Variants in MEGF6 observed in about 807,000 individuals in gnomAD.
MEGF6 encodes the protein multiple EGF like domains 6.
MEGF6 carries 184 observed loss-of-function variants against 207.1 expected under a neutral mutation model. That is an observed-to-expected ratio of 0.89 (90% confidence interval 0.79 to 1.00). The LOEUF is 1.00. Among genes scored for constraint, MEGF6 ranks in the 50% least tolerant of loss-of-function variants. MEGF6 has a pLI of 0.00. For missense variants in MEGF6, 2,282 were observed against 2,202.9 expected, an observed-to-expected ratio of 1.04 and a Z score of -0.72; for synonymous variants, 1,038 against 910.0, an observed-to-expected ratio of 1.14 and a Z score of -2.53.
At chr1:3,621,052 C>T in the MEGF6 span, among the ~76,000 whole-genome samples, 1 of 152,226 alleles carries the variant, frequency 6.6e-6, no homozygotes, top group Non-Finnish European at 1.5e-5. Flanking sequence ...GCCAGGTGTA[C>T]AGGATGGAAC....
At chr1:3,581,823 C>G (rs1338034966) in intron 3 of MEGF6, among the ~76,000 whole-genome samples, 1 of 152,088 alleles carries the variant, frequency 6.6e-6, no homozygotes, top group Non-Finnish European at 1.5e-5. Context: ...CCTCCTCCCA[C>G]CCTGTTTCCC....
Position 3,514,234 on chromosome 1 carries a change from C to T in MEGF6, c.853+316G>A, listed in dbSNP as rs569196522. 3.4e-5 allele frequency among the ~76,000 whole-genome samples: 5 copies of T among 147,908 alleles called. No homozygotes were observed. In the East Asian group the frequency reaches 8.1e-4, roughly 24 times the overall value. ...CTGCACTCCAGCCTGGGCAATAGAG[C>T]GAGACTCCGTCTCAAAAAAAAAAAA... On this transcript the variant is annotated intron_variant, in intron 7 of 36. Coordinates refer to ENST00000356575, the MANE Select transcript of MEGF6 (RefSeq NM_001409.4).
intron 4 of MEGF6, among the ~76,000 whole-genome samples, chr1:3,555,446 C>T (rs1315654493): frequency 6.6e-6 from 1 of 152,232 alleles, no homozygotes; most frequent in Non-Finnish European, 1.5e-5. Context: ...CAGGAAAGTA[C>T]AGGCAGGATG....
rs370620577 is a variant in MEGF6 at position 3,602,490 on chromosome 1, G to T, written c.242C>A (p.Ala81Glu). The change falls in exon 2 of 37, where the codon GCG (alanine) becomes GAG (glutamate). Residue 81 changes from alanine (A) to glutamate (E), a missense_variant. Transcript: ENST00000356575. ...CCTCCGCTCATGACCCACGCACCAC[G>T]CCTGCCACCCACAGCCGGCCTTCCA... ...PVWKAGCGWQAWCVGHERRTV... is the reference protein window; with the variant it reads ...PVWKAGCGWQEWCVGHERRTV... The T allele has an allele frequency of 1.2e-6, 2 of 1,613,160 alleles. No homozygotes were observed. The highest frequency in any genetic ancestry group is 2.7e-5 in the African/African-American group (2 of 74,912).
intron 5 of MEGF6, among the ~76,000 whole-genome samples, chr1:3,522,899 A>AG (rs1365313065): frequency 6.6e-6 from 1 of 152,166 alleles, no homozygotes; most frequent in Non-Finnish European, 1.5e-5. Context: ...GCAAGGCTAA[A>AG]GTGCCCCAGG....
upstream of MEGF6, among the ~76,000 whole-genome samples, chr1:3,616,420 G>A (rs556203400): frequency 6.2e-4 from 94 of 152,240 alleles, no homozygotes; most frequent in East Asian, 1.2e-3. Flanking sequence ...CGACTGCCCC[G>A]TACCGCCCCG....
At chr1:3,516,711 C>T (rs1641554442) in intron 5 of MEGF6, among the ~76,000 whole-genome samples, 1 of 152,214 alleles carries the variant, frequency 6.6e-6, no homozygotes, top group Non-Finnish European at 1.5e-5. Flanking sequence ...GCGGTGTTGC[C>T]TCTGGGCCCT....
Position 3,494,116 on chromosome 1 carries a change from G to A in MEGF6, c.4138C>T (p.Pro1380Ser). 1.3e-6 allele frequency: 2 copies of A among 1,570,144 alleles called. No homozygotes were observed. The highest frequency in any genetic ancestry group is 1.4e-5 in the African/African-American group (1 of 73,892). The change falls in exon 33 of 37, where the codon CCT becomes TCT. Residue 1380 changes from proline to serine, a missense_variant. Pro to Ser is a moderately conservative substitution (Grantham distance 74). Transcript: ENST00000356575. ...TGGCAGCCAGCCCCGTGGAAGCCAG[G>A]GGGACAGGCTGAAGGACGCCGGTTA... ...YGQACEHPCP[P>S]GFHGAGCQGL... is the part of the protein sequence containing the mutation.
At chr1:3,590,900 C>T (rs1471389298) in intron 3 of MEGF6, among the ~76,000 whole-genome samples, 1 of 152,180 alleles carries the variant, frequency 6.6e-6, no homozygotes, top group Non-Finnish European at 1.5e-5. Flanking sequence ...GCACAGGGGC[C>T]GTGCACCCCA....
intron 28 of MEGF6, 99 bp from the exon 29 acceptor site, chr1:3,496,882 A>T (rs185231077): frequency 6.6e-7 from 1 of 1,519,136 alleles, no homozygotes; most frequent in East Asian, 2.5e-5. Context: ...CACACCCTCC[A>T]TCTTCCACCC....
At chr1:3,549,055 C>T (rs546681719) in intron 4 of MEGF6, among the ~76,000 whole-genome samples, 26 of 152,292 alleles carry the variant, frequency 1.7e-4, no homozygotes, top group Non-Finnish European at 2.8e-4. Flanking sequence ...TGGGTACCTG[C>T]GGGCGCCGCC....
At chr1:3,584,227 C>G (rs1041464625) in intron 3 of MEGF6, among the ~76,000 whole-genome samples, 3 of 152,232 alleles carry the variant, frequency 2.0e-5, no homozygotes, top group Non-Finnish European at 4.4e-5. Context: ...TTGGACTGAA[C>G]CACAAGCAAA....
At chr1:3,553,353 T>C (rs1039417644) in intron 4 of MEGF6, among the ~76,000 whole-genome samples, 7 of 151,444 alleles carry the variant, frequency 4.6e-5, no homozygotes, top group Non-Finnish European at 1.5e-5. Context: ...GCGTGCTGGG[T>C]CTTTTCCTGA....
intron 1 of MEGF6, among the ~76,000 whole-genome samples, chr1:3,603,747 G>T (rs540845038): frequency 6.6e-6 from 1 of 152,118 alleles, no homozygotes; most frequent in African/African-American, 2.4e-5. Context: ...CCCAGGCCTT[G>T]CCAGGAGCTC....
In MEGF6 at chr1:3,494,883, C is replaced by A. The variant is rs1375629264; in HGVS notation, c.3872-142G>T. 5.4e-6 allele frequency: 7 copies of A among 1,286,732 alleles called. No individual in the cohort carries two copies. In the East Asian group the frequency reaches 1.8e-4, roughly 34 times the overall value. The allele number at this position is 1,286,732 out of a possible 1,614,324, so 79.7% of individuals were successfully genotyped here. On this transcript the variant is annotated intron_variant, in intron 30 of 36. Transcript: ENST00000356575. Reference sequence around the variant, plus strand: ...CCAGTCTCTGCCTGCTGGGCGGGCACATGCCAGGGAGTGGCACCAGCCGCA... The same window carrying A: ...CCAGTCTCTGCCTGCTGGGCGGGCAAATGCCAGGGAGTGGCACCAGCCGCA...
At chr1:3,517,968 G>A (rs880037) in intron 5 of MEGF6, among the ~76,000 whole-genome samples, 5,626 of 152,316 alleles carry the variant, frequency 0.037, 160 homozygotes, top group East Asian at 0.098. Context: ...TAATCGCACC[G>A]CGTGCTTCCG....
chr1:3,536,481 C>T (rs1392692672), intron 4 of MEGF6, among the ~76,000 whole-genome samples: 1 of 152,150 alleles, frequency 6.6e-6, no homozygotes, highest in Non-Finnish European at 1.5e-5. Context: ...TAGGGAGGAG[C>T]CCGGGCGTGG....
At position 3,500,237 on chromosome 1, in the gene MEGF6, G is replaced by A. The variant is rs556548929; in HGVS notation, c.2708-313C>T. On this transcript the variant is annotated intron_variant, in intron 21 of 36. Coordinates refer to ENST00000356575, the MANE Select transcript of MEGF6 (RefSeq NM_001409.4). ...CGGGGGCACACACTGAGGGATACCAGCCTCAGTCCTAAGCAGACCCCTTCT... is the reference window on the plus strand; with the variant it reads ...CGGGGGCACACACTGAGGGATACCAACCTCAGTCCTAAGCAGACCCCTTCT... 3.9e-4 allele frequency among the ~76,000 whole-genome samples: 60 copies of A among 152,338 alleles called. 1 individual carries two copies. The highest frequency in any genetic ancestry group is 5.4e-4 in the Non-Finnish European group (37 of 68,018).
At chr1:3,501,403 G>C (rs943533975) in intron 18 of MEGF6, 95 bp from the exon 19 acceptor site, 2 of 1,465,280 alleles carry the variant, frequency 1.4e-6, no homozygotes, top group African/African-American at 2.8e-5. Context: ...CACGGCCGAG[G>C]AGGTGGAACC....
Sources: allele counts gnomAD v4.1 joint callset (sites outside exome capture counted in the v4.1 genomes callset), GRCh38; gene constraint gnomAD v4.1.1; transcripts MANE v1.5; gene names NCBI Gene and HGNC (gene_info 2026-07-23, HGNC 2026-07-21).